The following CEP89 variants were observed in gnomAD, a reference collection of about 807,000 sequenced individuals.
The protein encoded by CEP89 is centrosomal protein of 89 kDa.
In CEP89, 95 loss-of-function variants were observed where a neutral mutation model predicts 97.6. The observed-to-expected ratio is 0.97, with a 90% CI of 0.82 to 1.15. The LOEUF (loss-of-function observed/expected upper bound fraction) is 1.15, where lower values mean the gene tolerates loss of function less well. Among genes scored for constraint, CEP89 ranks in the 50% most tolerant of loss-of-function variants. The pLI is 0.00. For missense variants in CEP89, 869 were observed against 947.7 expected, an observed-to-expected ratio of 0.92 and a Z score of 1.09; for synonymous variants, 354 against 349.1, an observed-to-expected ratio of 1.01 and a Z score of -0.16.
At chr19:32,918,884 C>CTTTTTTTTTTTTTTTTTTT (rs11339528) in intron 12 of CEP89, among the ~76,000 whole-genome samples, 1 of 117,646 alleles carries the variant, frequency 8.5e-6, no homozygotes. Flanking sequence ...TTTTCTTTTT[C>CTTTTTTTTTTTTTTTTTTT]TTTTTTTTTT....
chr19:32,965,648 A>G (rs1971265137), intron 2 of CEP89, among the ~76,000 whole-genome samples: 1 of 142,864 alleles, frequency 7.0e-6, no homozygotes, highest in African/African-American at 2.6e-5. Flanking sequence ...GTGAGCCATG[A>G]TTGCACCACT....
In CEP89 at chr19:32,918,473, T is replaced by C. The variant is rs769560196; in HGVS notation, c.1269-134A>G. ...AAGTCATGTCTTCATGTTAAACATA[T>C]TAACACAGCAGCAAATCCTGCCATT... On this transcript the variant is annotated intron_variant, in intron 12 of 18. Transcript: ENST00000305768. 4 of 663,008 alleles carry C rather than the reference T, an allele frequency of 6.0e-6. No individual in the cohort carries two copies. The South Asian group carries it at 7.3e-5, about 12-fold the overall frequency. The allele number at this position is 663,008 out of a possible 1,614,324, so 41.1% of individuals were successfully genotyped here.
At chr19:32,964,887 A>G (rs1971248644) in intron 2 of CEP89, among the ~76,000 whole-genome samples, 2 of 152,214 alleles carry the variant, frequency 1.3e-5, no homozygotes, top group African/African-American at 4.8e-5. Flanking sequence ...CCTATTAATT[A>G]TCTTTTTAAA....
At chr19:32,903,599 G>A (rs1019814259) in intron 14 of CEP89, among the ~76,000 whole-genome samples, 1 of 152,164 alleles carries the variant, frequency 6.6e-6, no homozygotes, top group African/African-American at 2.4e-5. Context: ...TATTGGATGG[G>A]ACTAACAGCA....
At position 32,879,773 on chromosome 19, in the gene CEP89, C is replaced by T. The variant is rs370855991; in HGVS notation, c.2136-395G>A. ...GCAGGGCTGGCCTTGGCCAGCCAGA[C>T]GCTCTAGCACGATGGCCTGGCCACA... On this transcript the variant is annotated intron_variant, in intron 18 of 18. Coordinates refer to ENST00000305768, the MANE Select transcript of CEP89 (RefSeq NM_032816.5). Among the ~76,000 whole-genome samples the T allele has an allele frequency of 8.5e-5, 13 of 152,230 alleles. No homozygotes were observed. In the East Asian group the frequency reaches 9.6e-4, roughly 11 times the overall value.
At chr19:32,971,523 G>A (rs1187802689) in intron 1 of CEP89, 1 of 556,278 alleles carries the variant, frequency 1.8e-6, no homozygotes. Context: ...CGGGAGTAGT[G>A]GCGCGCGCCT....
chr19:32,945,704 T>C (rs1970783095), intron 5 of CEP89, among the ~76,000 whole-genome samples: 1 of 152,188 alleles, frequency 6.6e-6, no homozygotes, highest in African/African-American at 2.4e-5. Context: ...GGTCTCACTA[T>C]ATTACCCAGG....
intron 3 of CEP89, among the ~76,000 whole-genome samples, chr19:32,958,230 A>G (rs1181455990): frequency 6.6e-6 from 1 of 152,180 alleles, no homozygotes; most frequent in Non-Finnish European, 1.5e-5. Context: ...TTTTTGGCCA[A>G]AACAAAAATA....
chr19:32,898,081 A>G (rs1969681276), intron 16 of CEP89, among the ~76,000 whole-genome samples: 2 of 152,218 alleles, frequency 1.3e-5, no homozygotes, highest in Admixed American at 1.3e-4. Context: ...CTACACCCCC[A>G]TGTTTATTGC....
chr19:32,948,827 C>T (rs966555292), intron 4 of CEP89, among the ~76,000 whole-genome samples: 1 of 152,116 alleles, frequency 6.6e-6, no homozygotes, highest in African/African-American at 2.4e-5. Context: ...CACGTGCAAG[C>T]GATCCTCTCA....
chr19:32,945,415 C>A (rs893494470), intron 5 of CEP89, among the ~76,000 whole-genome samples: 8 of 152,110 alleles, frequency 5.3e-5, no homozygotes, highest in African/African-American at 7.2e-5. Flanking sequence ...GGCATCACTG[C>A]AGGAGCTGCA....
At chr19:32,946,443 T>G (rs139860642) in intron 5 of CEP89, among the ~76,000 whole-genome samples, 347 of 152,264 alleles carry the variant, frequency 2.3e-3, no homozygotes, top group African/African-American at 8.1e-3. Flanking sequence ...ACATTTGGCA[T>G]GTGTTGTGAG....
At chr19:32,907,424 C>T (rs1969909703) in intron 14 of CEP89, among the ~76,000 whole-genome samples, 1 of 151,426 alleles carries the variant, frequency 6.6e-6, no homozygotes. Context: ...TCCATAAATG[C>T]TTTCCCTCCA....
At chr19:32,901,663 T>A (rs1969774447) in intron 14 of CEP89, among the ~76,000 whole-genome samples, 1 of 152,120 alleles carries the variant, frequency 6.6e-6, no homozygotes. Flanking sequence ...GGTCTCACTC[T>A]GTTGCCCAGG....
chr19:32,906,716 G>GAT lies in CEP89; in HGVS notation c.1566-5306_1566-5305dup, dbSNP rs1001077451. Reference sequence around the variant, plus strand: ...CTCCATCTTATTATCCTCATATATAGATATATATATAAATACTAATAGTTA... The same window carrying GAT: ...CTCCATCTTATTATCCTCATATATAGATATATATATATAAATACTAATAGTTA... On this transcript the variant is annotated intron_variant, in intron 14 of 18. Transcript: ENST00000305768. Among the ~76,000 whole-genome samples, 15 of 148,880 alleles carry GAT rather than the reference G, an allele frequency of 1.0e-4. No individual in the cohort carries two copies. In the East Asian group the frequency reaches 1.2e-3, roughly 12 times the overall value.
chr19:32,971,501 T>C (rs1400138574), intron 1 of CEP89: 3 of 546,044 alleles, frequency 5.5e-6, no homozygotes, highest in Admixed American at 3.2e-5. Context: ...ACAAAAATAT[T>C]GAACAATTAG....
In CEP89 at chr19:32,953,645, A is replaced by G. The variant is rs1369962415; in HGVS notation, c.462T>C (p.Asp154=). The G allele has an allele frequency of 6.2e-7, 1 of 1,613,806 alleles. No homozygotes were observed. The highest frequency in any genetic ancestry group is 2.2e-5 in the East Asian group (1 of 44,892). ...SAREDRGGHS[D]DLYAVPHRNQ... ...TTCTGTGTGGCACAGCGTACAGGTC[A>G]TCACTGTGGCCTCCTCTGTCCTCCC... Residue 154 remains aspartate (D), a synonymous_variant, in exon 4 of 19, where the codon GAT becomes GAC. Transcript: ENST00000305768.
chr19:32,958,012 A>AAC (rs1568581221), intron 3 of CEP89, among the ~76,000 whole-genome samples: 3 of 106,348 alleles, frequency 2.8e-5, no homozygotes, highest in East Asian at 3.1e-4. Context: ...AAACAAAAAA[A>AAC]TCCCCCCCCC....
At chr19:32,935,814 G>A (rs1395398585) in intron 7 of CEP89, among the ~76,000 whole-genome samples, 1 of 152,072 alleles carries the variant, frequency 6.6e-6, no homozygotes, top group Admixed American at 6.5e-5. Context: ...CCCGGCTGCA[G>A]ACCCGAGAAT....
Sources: gnomAD v4.1 joint callset for allele counts (sites outside exome capture counted in the v4.1 genomes callset) on GRCh38, gnomAD v4.1.1 for gene constraint, MANE v1.5 for transcripts, NCBI Gene and HGNC (gene_info 2026-07-23, HGNC 2026-07-21) for gene names.